The following NEGR1 variants were observed in gnomAD, a reference collection of about 807,000 sequenced individuals.
NEGR1 encodes the protein neuronal growth regulator 1.
In NEGR1, 10 loss-of-function variants were observed where a neutral mutation model predicts 40.9. That is an observed-to-expected ratio of 0.24 (90% CI 0.15 to 0.42). NEGR1 has a LOEUF of 0.42. Among genes scored for constraint, NEGR1 ranks in the 10% least tolerant of loss-of-function variants. NEGR1 has a pLI of 1.00. For synonymous variants in NEGR1, 185 were observed against 166.8 expected, an observed-to-expected ratio of 1.11 and a Z score of -0.84; for missense variants, 352 against 438.9, an observed-to-expected ratio of 0.80 and a Z score of 1.77.
At chr1:71,845,660 A>C (rs1378520932) in intron 2 of NEGR1, among the ~76,000 whole-genome samples, 3 of 152,200 alleles carry the variant, frequency 2.0e-5, no homozygotes, top group African/African-American at 4.8e-5. Context: ...GAGAAAACTG[A>C]GGTAGAAAGA....
At chr1:71,878,181 T>A (rs1660485235) in intron 2 of NEGR1, among the ~76,000 whole-genome samples, 1 of 152,198 alleles carries the variant, frequency 6.6e-6, no homozygotes, top group African/African-American at 2.4e-5. Flanking sequence ...ATTTCAGTGC[T>A]CAATATATTC....
At chr1:71,867,239 T>G (rs1356524674) in intron 2 of NEGR1, among the ~76,000 whole-genome samples, 1 of 151,998 alleles carries the variant, frequency 6.6e-6, no homozygotes, top group African/African-American at 2.4e-5. Context: ...CCAGGTGTGG[T>G]GGCCCGTGCC....
At chr1:72,169,410 T>C (rs890388170) in intron 1 of NEGR1, among the ~76,000 whole-genome samples, 3 of 152,192 alleles carry the variant, frequency 2.0e-5, no homozygotes, top group Non-Finnish European at 4.4e-5. Flanking sequence ...ATTAATTTAA[T>C]AGTGGCTATA....
At chr1:71,789,651 T>C (rs1280406425) in intron 2 of NEGR1, among the ~76,000 whole-genome samples, 1 of 152,164 alleles carries the variant, frequency 6.6e-6, no homozygotes, top group Non-Finnish European at 1.5e-5. Flanking sequence ...TTTTTACTTT[T>C]GTTTTCTTGA....
intron 2 of NEGR1, among the ~76,000 whole-genome samples, chr1:71,929,473 A>G (rs572150285): frequency 6.6e-6 from 1 of 152,106 alleles, no homozygotes; most frequent in Non-Finnish European, 1.5e-5. Flanking sequence ...TATAATCTTG[A>G]TCTCCTCCAC....
chr1:72,063,237 T>G (rs768201937), intron 1 of NEGR1, among the ~76,000 whole-genome samples: 1 of 151,912 alleles, frequency 6.6e-6, no homozygotes, highest in South Asian at 2.1e-4. Flanking sequence ...ACACATGTGT[T>G]TTCTAATCCT....
intron 1 of NEGR1, among the ~76,000 whole-genome samples, chr1:72,059,646 T>C (rs1245203237): frequency 1.3e-5 from 2 of 151,678 alleles, no homozygotes; most frequent in Non-Finnish European, 3.0e-5. Flanking sequence ...TGATCATATT[T>C]ACAAGTAACA....
chr1:71,870,462 C>A (rs1405775321), intron 2 of NEGR1, among the ~76,000 whole-genome samples: 2 of 151,894 alleles, frequency 1.3e-5, no homozygotes, highest in African/African-American at 4.8e-5. Context: ...AAAAAATGAC[C>A]ATTGCTCAAA....
chr1:71,408,196 T>C (rs1646291074), intron 6 of NEGR1, among the ~76,000 whole-genome samples: 1 of 149,226 alleles, frequency 6.7e-6, no homozygotes, highest in African/African-American at 2.6e-5. Context: ...AGAAATAACA[T>C]ATTCGAAGGC....
At chr1:71,833,520 CAATGGAGAAGGA>C (rs1658911099) in intron 2 of NEGR1, among the ~76,000 whole-genome samples, 1 of 151,258 alleles carries the variant, frequency 6.6e-6, no homozygotes, top group African/African-American at 2.5e-5. Flanking sequence ...GAGCTGGAAG[CAATGGAGAAGGA>C]AGCAGAGAAG....
chr1:71,924,353 TAAGTCTTTATTGACATAAACTG>T lies in NEGR1; in HGVS notation c.409+10704_409+10725del, dbSNP rs963373357. Among the ~76,000 whole-genome samples, 9 of 152,200 alleles carry T rather than the reference TAAGTCTTTATTGACATAAACTG, an allele frequency of 5.9e-5. No homozygotes were observed. In the East Asian group the frequency reaches 1.2e-3, roughly 20 times the overall value. ...GGTATTGAATTAAAGTGAGACTTCATAAGTCTTTATTGACATAAACTGAAGTCATCCTGCCTGCTCTTTTAAA... is the reference window on the plus strand; with the variant it reads ...GGTATTGAATTAAAGTGAGACTTCATAAGTCATCCTGCCTGCTCTTTTAAA... On this transcript the variant is annotated intron_variant, in intron 2 of 6. Transcript: ENST00000357731.
intron 6 of NEGR1, among the ~76,000 whole-genome samples, chr1:71,432,780 C>A (rs1372959995): frequency 6.6e-6 from 1 of 152,152 alleles, no homozygotes; most frequent in Non-Finnish European, 1.5e-5. Context: ...TTATTCTCCC[C>A]CACCTTATAA....
At chr1:72,194,020 A>G (rs1194735709) in intron 1 of NEGR1, among the ~76,000 whole-genome samples, 2 of 151,894 alleles carry the variant, frequency 1.3e-5, no homozygotes, top group African/African-American at 4.8e-5. Context: ...ACAACTTTAT[A>G]CAAAATTTTA....
In NEGR1 at chr1:72,263,566, A is replaced by T. The variant is rs942693379; in HGVS notation, c.176+18753T>A. Among the ~76,000 whole-genome samples, 13 of 151,666 alleles carry T rather than the reference A, an allele frequency of 8.6e-5. 1 individual carries two copies. ...TGGAGTGAATAAAATCTGCTGTTAT[A>T]GTTAAATATACGCTTAATAAAAGCG... is the stretch of plus-strand genomic sequence containing the variant. On this transcript the variant is annotated intron_variant, in intron 1 of 6. Transcript: ENST00000357731.
intron 4 of NEGR1, among the ~76,000 whole-genome samples, chr1:71,687,268 T>C (rs1390270986): frequency 6.6e-6 from 1 of 152,222 alleles, no homozygotes; most frequent in Non-Finnish European, 1.5e-5. Context: ...ACTGAATATA[T>C]ATGCTTCTCA....
chr1:72,219,042 G>A (rs1043174553), intron 1 of NEGR1, among the ~76,000 whole-genome samples: 2 of 151,872 alleles, frequency 1.3e-5, no homozygotes, highest in African/African-American at 2.4e-5. Flanking sequence ...CATACAAAGC[G>A]CCCAGATACT....
chr1:71,685,112 G>A (rs1247493024), intron 4 of NEGR1, among the ~76,000 whole-genome samples: 1 of 151,988 alleles, frequency 6.6e-6, no homozygotes, highest in Non-Finnish European at 1.5e-5. Flanking sequence ...AATCATGTTA[G>A]TCTGTTACAT....
At chr1:71,876,169 A>G (rs115765885) in intron 2 of NEGR1, among the ~76,000 whole-genome samples, 2 of 152,112 alleles carry the variant, frequency 1.3e-5, no homozygotes, top group Non-Finnish European at 2.9e-5. Context: ...TAGTTCTTGT[A>G]TATATTATAG....
intron 1 of NEGR1, among the ~76,000 whole-genome samples, chr1:72,088,079 C>T (rs889788885): frequency 3.3e-5 from 5 of 152,160 alleles, no homozygotes; most frequent in East Asian, 1.9e-4. Flanking sequence ...ACTTTCTATA[C>T]TCAGAACTGT....
Sources: gnomAD v4.1 joint callset for allele counts (sites outside exome capture counted in the v4.1 genomes callset) on GRCh38, gnomAD v4.1.1 for gene constraint, MANE v1.5 for transcripts, NCBI Gene and HGNC (gene_info 2026-07-23, HGNC 2026-07-21) for gene names.